Variants in FLACC1 observed in about 807,000 individuals in gnomAD.
FLACC1 encodes flagellum-associated coiled-coil domain-containing protein 1.
Under a neutral mutation model 62.8 loss-of-function variants are expected in FLACC1, and 66 were observed. The ratio of observed to expected loss-of-function variants is 1.05; its 90% confidence interval spans 0.86 to 1.29. The LOEUF (loss-of-function observed/expected upper bound fraction) is 1.29, where lower values mean the gene tolerates loss of function less well. Among genes scored for constraint, FLACC1 ranks in the 50% most tolerant of loss-of-function variants. The probability of loss-of-function intolerance (pLI) is 0.00; values close to 1 mark genes in which losing one functional copy is unlikely to be tolerated. For missense variants in FLACC1, 452 were observed against 489.1 expected (o/e 0.92, Z 0.71); for synonymous variants, 156 against 161.0 (o/e 0.97, Z 0.24).
At chr2:201,355,253 C>G (rs1303586149) in intron 1 of FLACC1, among the ~76,000 whole-genome samples, 1 of 152,114 alleles carries the variant, frequency 6.6e-6, no homozygotes, top group Non-Finnish European at 1.5e-5. Context: ...CCACTGCACT[C>G]CAGCCTGGAT....
chr2:201,357,097 A>C lies in FLACC1; in HGVS notation c.-163T>G, dbSNP rs1951131685. The C allele has an allele frequency of 6.6e-6, 1 of 152,248 alleles. No individual in the cohort carries two copies. The highest frequency in any genetic ancestry group is 1.5e-5 in the Non-Finnish European group (1 of 68,048). The allele number at this position is 152,248 out of a possible 1,614,324, so 9.4% of individuals were successfully genotyped here. ...AACACAGAATCAGAGTTTACTTTAGATCAAAAGCCACTTTAGTGGCCATTC... is the reference window on the plus strand; with the variant it reads ...AACACAGAATCAGAGTTTACTTTAGCTCAAAAGCCACTTTAGTGGCCATTC... On this transcript the variant is annotated 5_prime_UTR_variant, in exon 1 of 15. Coordinates refer to ENST00000392257, the MANE Select transcript of FLACC1 (RefSeq NM_001127391.3).
In FLACC1 at chr2:201,296,425, C is replaced by A. The variant is rs181815552; in HGVS notation, c.942+2813G>T. On this transcript the variant is annotated intron_variant, in intron 12 of 14. Coordinates refer to ENST00000392257, the MANE Select transcript of FLACC1 (RefSeq NM_001127391.3). The stretch of plus-strand genomic sequence containing the variant: ...ACTATGGCAAGGACAAAAAACCAAA[C>A]ACCACATGTTCTTGCTCAGAGGTGG... Among the ~76,000 whole-genome samples, 459 of 149,244 alleles carry A rather than the reference C, an allele frequency of 3.1e-3. 1 individual carries two copies. Among genetic ancestry groups the A allele is most frequent in the African/African-American group, 0.011 (432 of 40,362 alleles).
Position 201,323,767 on chromosome 2 carries a change from A to T in FLACC1, c.675+6703T>A, listed in dbSNP as rs539241697. Among the ~76,000 whole-genome samples the T allele has an allele frequency of 9.7e-4, 134 of 138,296 alleles. 1 individual carries two copies. Among genetic ancestry groups the T allele is most frequent in the African/African-American group, 3.5e-3 (128 of 36,854 alleles). The allele number at this position is 138,296 out of a possible 152,430, so 90.7% of individuals were successfully genotyped here. On this transcript the variant is annotated intron_variant, in intron 9 of 14. Transcript: ENST00000392257. ...GCAACATTGCACTCCAGCCTGGGCA[A>T]CAGAGCCAGACTCTATCAAAAAAAA...
intron 9 of FLACC1, among the ~76,000 whole-genome samples, chr2:201,328,537 C>T (rs574117297): frequency 7.9e-5 from 12 of 152,208 alleles, no homozygotes; most frequent in Middle Eastern, 3.4e-3. Flanking sequence ...GCGATTCTCC[C>T]GCCTCAGTTT....
At chr2:201,299,335 G>A (rs753022256) in intron 11 of FLACC1, 35 bp from the exon 12 acceptor site, 2 of 1,577,978 alleles carry the variant, frequency 1.3e-6, no homozygotes, top group East Asian at 2.2e-5. Context: ...GGTTAGCACT[G>A]TGGTTCTGGC....
intron 9 of FLACC1, among the ~76,000 whole-genome samples, chr2:201,309,925 A>AAAAAAAAAAAAG (rs764506462): frequency 4.6e-4 from 46 of 99,392 alleles, no homozygotes; most frequent in African/African-American, 9.8e-4. Context: ...AAAAAAAAAA[A>AAAAAAAAAAAAG]AAGAAGAAGA....
At chr2:201,343,797 T>A (rs1263299138) in intron 6 of FLACC1, among the ~76,000 whole-genome samples, 15 of 152,208 alleles carry the variant, frequency 9.9e-5, no homozygotes, top group Admixed American at 9.8e-4. Context: ...GCCCTGCACA[T>A]TAAGTGCGCT....
At chr2:201,308,805 A>G (rs1350938853) in intron 10 of FLACC1, among the ~76,000 whole-genome samples, 2 of 152,212 alleles carry the variant, frequency 1.3e-5, no homozygotes, top group East Asian at 1.9e-4. Flanking sequence ...CATTCTAACT[A>G]AAGAACTCTT....
chr2:201,299,750 C>T (rs1037172293), intron 11 of FLACC1, among the ~76,000 whole-genome samples: 3 of 152,076 alleles, frequency 2.0e-5, no homozygotes, highest in Non-Finnish European at 2.9e-5. Context: ...GCTAGATAAC[C>T]TTTGCTACCC....
At chr2:201,359,135 T>C (rs1951162255), upstream of FLACC1, among the ~76,000 whole-genome samples, 2 of 152,144 alleles carry the variant, frequency 1.3e-5, no homozygotes, top group African/African-American at 4.8e-5. Flanking sequence ...AACTTGGTGA[T>C]TGACTGGATG....
chr2:201,296,662 T>TA (rs992815452), intron 12 of FLACC1, among the ~76,000 whole-genome samples: 7 of 151,804 alleles, frequency 4.6e-5, no homozygotes, highest in South Asian at 2.1e-4. Flanking sequence ...TACAGTATAA[T>TA]AAAAAAAATG....
chr2:201,289,748 A>G lies in FLACC1; in HGVS notation c.980T>C (p.Leu327Pro). The change falls in exon 13 of 15, where the codon CTA becomes CCA. Residue 327 changes from leucine to proline, a missense_variant. By Grantham distance (98) the Leu-to-Pro change is moderately conservative. Around this residue, in one of 3 missense-constraint regions of FLACC1, gnomAD observed 301 missense variants for 318.4 expected, o/e 0.95. Transcript: ENST00000392257. ...QEELHAQALI[L>P]ESLNTNLYYT... ...GTAGAGGTTTGTGTTCAGTGACTCT[A>G]GGATAAGGGCTTGTGCATGCAATTC... 2.5e-6 allele frequency: 4 copies of G among 1,614,152 alleles called. No homozygotes were observed. Among genetic ancestry groups the G allele is most frequent in the Non-Finnish European group, 3.4e-6 (4 of 1,180,016 alleles).
intron 9 of FLACC1, among the ~76,000 whole-genome samples, chr2:201,309,919 AAAAAAAAAG>A (rs1950183911): frequency 6.9e-6 from 1 of 145,630 alleles, no homozygotes; most frequent in Admixed American, 6.8e-5. Flanking sequence ...AAAAAAAAAA[AAAAAAAAAG>A]AAGAAGAAAG....
intron 9 of FLACC1, among the ~76,000 whole-genome samples, chr2:201,323,283 T>C (rs564911989): frequency 6.6e-6 from 1 of 152,314 alleles, no homozygotes; most frequent in African/African-American, 2.4e-5. Flanking sequence ...CACCAAGGCA[T>C]ATAGTCATCA....
At chr2:201,352,816 A>C (rs1951053071) in intron 1 of FLACC1, among the ~76,000 whole-genome samples, 1 of 152,234 alleles carries the variant, frequency 6.6e-6, no homozygotes, top group South Asian at 2.1e-4. Context: ...ATTAAATGAA[A>C]GATCTTGAGA....
chr2:201,351,938 G>C (rs1966423), intron 1 of FLACC1: 77,730 of 152,000 alleles, frequency 0.51, 20,311 homozygotes, highest in South Asian at 0.59. Context: ...GTGAGACTTC[G>C]TCTCAAAAAA....
Position 201,346,611 on chromosome 2 carries a change from A to G in FLACC1, c.299T>C (p.Leu100Ser). ...VRNREQISVT[L>S]GDEMFDRKKR... ...TTTCCTATCAAACATCTCATCCCCT[A>G]AGGTGACAGAAATCTGTTCCCGATT... The change falls in exon 5 of 15, where the codon TTA becomes TCA. Residue 100 changes from leucine (L) to serine (S), a missense_variant. By Grantham distance (145) the Leu-to-Ser change is moderately radical. This residue lies in a region of FLACC1 where 147 missense variants were observed against 152.7 expected (regional missense o/e 0.96). Transcript: ENST00000392257. This position sits in a 1 kb window ranked among gnomAD's most constrained non-coding sequence, Gnocchi z 4.0. 6.2e-7 allele frequency: 1 copy of G among 1,614,206 alleles called. No homozygotes were observed. The highest frequency in any genetic ancestry group is 8.5e-7 in the Non-Finnish European group (1 of 1,180,028).
At chr2:201,328,878 A>G (rs1453651482) in intron 9 of FLACC1, among the ~76,000 whole-genome samples, 1 of 152,234 alleles carries the variant, frequency 6.6e-6, no homozygotes, top group Non-Finnish European at 1.5e-5. Flanking sequence ...TCAACATTCT[A>G]AATGGAATTT....
At chr2:201,361,426 T>C (rs1951185169), upstream of FLACC1, among the ~76,000 whole-genome samples, 1 of 152,198 alleles carries the variant, frequency 6.6e-6, no homozygotes, top group African/African-American at 2.4e-5. Context: ...TGAAATATAT[T>C]TTCCAGTGGT....
Sources: gnomAD v4.1 joint callset for allele counts (sites outside exome capture counted in the v4.1 genomes callset) on GRCh38, gnomAD v4.1.1 for gene constraint, gnomAD v4.1.1 regional missense constraint, Gnocchi (gnomAD v3.1) non-coding constraint, MANE v1.5 for transcripts, NCBI Gene and HGNC (gene_info 2026-07-23, HGNC 2026-07-21) for gene names.